The following LRRC56 variants were observed in gnomAD, a reference collection of about 807,000 sequenced individuals.
LRRC56 encodes leucine-rich repeat-containing protein 56.
Under a neutral mutation model 47.8 loss-of-function variants are expected in LRRC56, and 41 were observed. The ratio of observed to expected loss-of-function variants is 0.86; its 90% CI spans 0.67 to 1.11. The LOEUF is 1.11. LRRC56 is among the 50% of genes most tolerant of loss of function. The pLI, the probability that LRRC56 is intolerant of heterozygous loss-of-function variation, is 0.00. For synonymous variants in LRRC56, 387 were observed against 311.2 expected (o/e 1.24, Z -2.56); for missense variants, 759 against 704.2 (o/e 1.08, Z -0.88).
chr11:550,123 C>A lies in LRRC56; in HGVS notation c.475C>A (p.Leu159Met). The A allele has an allele frequency of 6.2e-7, 1 of 1,613,534 alleles. No homozygotes were observed. The highest frequency in any genetic ancestry group is 8.5e-7 in the Non-Finnish European group (1 of 1,179,878). Residue 159 changes from leucine to methionine, a missense_variant, in exon 8 of 14, where the codon CTG becomes ATG. Leu to Met is a conservative substitution (Grantham distance 15). Coordinates refer to ENST00000270115, the MANE Select transcript of LRRC56 (RefSeq NM_198075.4). ...NISDLSPLCL[L>M]EQLEVLDLEG... ...CTCGGACCTGAGCCCACTGTGCCTG[C>A]TGGAACAATTGGAGGTGCTGGACCT...
Position 550,227 on chromosome 11 carries a change from G to A in LRRC56, c.579G>A (p.Glu193=), listed in dbSNP as rs1341887340. The A allele has an allele frequency of 6.2e-7, 1 of 1,611,640 alleles. No individual in the cohort carries two copies. Among genetic ancestry groups the A allele is most frequent in the Admixed American group, 1.7e-5 (1 of 59,886 alleles). The part of the protein sequence containing the change: ...LCPRLAMLTL[E]GNLVCLQPAP... ...CACGCCTGGCCATGCTCACCCTGGA[G>A]GGCAACCTGGTGTGCCTACAGCCGG... The change falls in exon 8 of 14, where the codon GAG becomes GAA. Residue 193 remains glutamate (E), a synonymous_variant. Transcript: ENST00000270115.
At chr11:550,988 C>T in intron 8 of LRRC56, 143 bp from the exon 9 acceptor site, 1 of 531,140 alleles carries the variant, frequency 1.9e-6, no homozygotes, top group Non-Finnish European at 3.4e-6. Context: ...CAAGCCCACC[C>T]CTGCAGGGTA....
the LRRC56 span, among the ~76,000 whole-genome samples, chr11:526,230 T>G: frequency 1.3e-5 from 2 of 151,748 alleles, no homozygotes; most frequent in Admixed American, 1.3e-4. Context: ...AAAACAAAAC[T>G]AAAAATAAGA....
Position 541,115 on chromosome 11 carries a change from G to A in LRRC56, c.177+254G>A, listed in dbSNP as rs951511939. On this transcript the variant is annotated intron_variant, in intron 4 of 13. Transcript: ENST00000270115. The surrounding 1 kb of genome is among the most constrained non-coding windows in gnomAD (Gnocchi z 4.1). ...GACGTCCCCAGGCATTTGGGTCACA[G>A]ACAGGACTGAGCCAGGCCAGAACCC... Among the ~76,000 whole-genome samples, 6 of 152,198 alleles carry A rather than the reference G, an allele frequency of 3.9e-5. No individual in the cohort carries two copies. The highest frequency in any genetic ancestry group is 1.4e-4 in the African/African-American group (6 of 41,438).
intron 6 of LRRC56, among the ~76,000 whole-genome samples, chr11:544,987 A>C (rs1851999618): frequency 6.6e-6 from 1 of 151,796 alleles, no homozygotes; most frequent in African/African-American, 2.4e-5. Context: ...GGAGCCTGGG[A>C]CATTCAGGCA....
At chr11:542,579 G>A (rs1179979542) in intron 5 of LRRC56, among the ~76,000 whole-genome samples, 1 of 36,270 alleles carries the variant, frequency 2.8e-5, no homozygotes, top group Non-Finnish European at 4.9e-5. Context: ...AAACCCTGTC[G>A]CAAAAAAAAA....
upstream of LRRC56, chr11:533,867 C>G: frequency 6.2e-7 from 1 of 1,613,344 alleles, no homozygotes. Flanking sequence ...TGGCGCTGTA[C>G]TCCTCCTGGC....
chr11:516,473 G>T, the LRRC56 span, among the ~76,000 whole-genome samples: 1 of 151,926 alleles, frequency 6.6e-6, no homozygotes, highest in Admixed American at 6.6e-5. Flanking sequence ...CTGTTTTGAT[G>T]ATTGTAGGCC....
chr11:540,565 G>C (rs1472101716), intron 3 of LRRC56, 109 bp from the exon 4 acceptor site: 1 of 937,380 alleles, frequency 1.1e-6, no homozygotes, highest in Non-Finnish European at 1.6e-6. Context: ...GGGTGCCAAG[G>C]GCTTGCTGTG....
In LRRC56 at chr11:554,588, G is replaced by A; in HGVS notation, c.*312G>A. The A allele has an allele frequency of 2.4e-6, 1 of 412,902 alleles. No homozygotes were observed. Among genetic ancestry groups the A allele is most frequent in the Non-Finnish European group, 4.3e-6 (1 of 232,592 alleles). The allele number at this position is 412,902 out of a possible 1,614,324, so 25.6% of individuals were successfully genotyped here. A position where few individuals can be genotyped will look rare whatever the true frequency, so the allele number is the denominator to read the frequency against. ...TGGTCACCCGAGCAGGCCTGTGAGA[G>A]GCCTCTCCTGCTAGAATTGGGCATG... On this transcript the variant is annotated 3_prime_UTR_variant, in exon 14 of 14. Coordinates refer to ENST00000270115, the MANE Select transcript of LRRC56 (RefSeq NM_198075.4).
In LRRC56 at chr11:540,658, G is replaced by T; in HGVS notation, c.-11-16G>T. On this transcript the variant is annotated splice_polypyrimidine_tract_variant and intron_variant, in intron 3 of 13. Transcript: ENST00000270115. ...GAGCAACAGCGTGGAGCTTTGCACT[G>T]TGCCTCTGTCAGCAGGTGACATGTG... 1 of 1,608,956 alleles carries T rather than the reference G, an allele frequency of 6.2e-7. No individual in the cohort carries two copies. The highest frequency in any genetic ancestry group is 8.5e-7 in the Non-Finnish European group (1 of 1,177,868).
rs903692643 is a variant in LRRC56, at chr11:541,201, G to C, written c.178-336G>C. ...AAAGAGGGGGGTCCTTCACTCAAGC[G>C]GGAGACCAGATGGCTCAAAGCTCAG... On this transcript the variant is annotated intron_variant, in intron 4 of 13. Coordinates refer to ENST00000270115, the MANE Select transcript of LRRC56 (RefSeq NM_198075.4). The surrounding 1 kb of genome is among the most constrained non-coding windows in gnomAD (Gnocchi z 4.1). Among the ~76,000 whole-genome samples the C allele has an allele frequency of 6.6e-6, 1 of 152,182 alleles. No homozygotes were observed. Among genetic ancestry groups the C allele is most frequent in the Non-Finnish European group, 1.5e-5 (1 of 68,010 alleles).
At chr11:534,810 A>G (rs1405257599), upstream of LRRC56, among the ~76,000 whole-genome samples, 1 of 152,070 alleles carries the variant, frequency 6.6e-6, no homozygotes, top group Non-Finnish European at 1.5e-5. Context: ...TGCCTCCGAC[A>G]AGTATTTGCT....
chr11:549,496 C>T (rs1852263520), intron 6 of LRRC56, among the ~76,000 whole-genome samples: 1 of 152,358 alleles, frequency 6.6e-6, no homozygotes, highest in East Asian at 1.9e-4. Context: ...AGCGAAGCCC[C>T]CCACATCGGT....
Position 554,419 on chromosome 11 carries a change from A to G in LRRC56, c.*143A>G. ...GGGGAGGACCCTCTTGGTGGAGGGG[A>G]GTGGGGGACTGGGACCAGCCAGGGA... On this transcript the variant is annotated 3_prime_UTR_variant, in exon 14 of 14. Coordinates refer to ENST00000270115, the MANE Select transcript of LRRC56 (RefSeq NM_198075.4). The G allele has an allele frequency of 1.4e-6, 1 of 690,430 alleles. No homozygotes were observed. The highest frequency in any genetic ancestry group is 2.1e-6 in the Non-Finnish European group (1 of 471,144). 42.8% of individuals were successfully genotyped at this position (690,430 alleles called of 1,614,324 possible).
chr11:518,303 T>G, the LRRC56 span, among the ~76,000 whole-genome samples: 2 of 151,770 alleles, frequency 1.3e-5, no homozygotes, highest in African/African-American at 4.8e-5. Context: ...TGCCTCAGCC[T>G]TAGGAGTAGC....
the LRRC56 span, among the ~76,000 whole-genome samples, chr11:516,594 G>C: frequency 4.6e-5 from 7 of 152,168 alleles, no homozygotes; most frequent in South Asian, 8.3e-4. Context: ...ATGCAAGGCT[G>C]GTTCAACATG....
At chr11:533,490 CCGTAGCTTCGGG>C, upstream of LRRC56, 1 of 1,613,606 alleles carries the variant, frequency 6.2e-7, no homozygotes, top group Non-Finnish European at 8.5e-7. Context: ...GTAGGGGATG[CCGTAGCTTCGGG>C]CGAGGTCCTG....
At chr11:546,239 C>T (rs1589810931) in intron 6 of LRRC56, among the ~76,000 whole-genome samples, 3 of 151,958 alleles carry the variant, frequency 2.0e-5, no homozygotes, top group East Asian at 3.9e-4. Flanking sequence ...CACCACTACA[C>T]TCCAGCCGGG....
Sources: gnomAD v4.1 joint callset for allele counts (sites outside exome capture counted in the v4.1 genomes callset) on GRCh38, gnomAD v4.1.1 for gene constraint, Gnocchi (gnomAD v3.1) non-coding constraint, MANE v1.5 for transcripts, NCBI Gene and HGNC (gene_info 2026-07-23, HGNC 2026-07-21) for gene names.